Variants in CHD1 observed in about 807,000 individuals in gnomAD.
CHD1 encodes ATP-dependent chromatin remodeler CHD1.
Under a neutral mutation model 224.2 loss-of-function variants are expected in CHD1, and 36 were observed. That is an observed-to-expected ratio of 0.16 (90% confidence interval 0.12 to 0.21). The LOEUF is 0.21. Among genes scored for constraint, CHD1 ranks in the 10% least tolerant of loss-of-function variants. The pLI, the probability that CHD1 is intolerant of heterozygous loss-of-function variation, is 1.00. For missense variants in CHD1, 1,378 were observed against 1,994.8 expected (o/e 0.69, Z 5.89); for synonymous variants, 668 against 658.3 (o/e 1.01, Z -0.23).
intron 2 of CHD1, among the ~76,000 whole-genome samples, chr5:98,921,854 A>G (rs944740997): frequency 1.3e-5 from 2 of 152,204 alleles, no homozygotes; most frequent in African/African-American, 4.8e-5. Flanking sequence ...TAACTTATTT[A>G]AAACTAAAAA....
rs370710571 is a variant in CHD1 at position 98,903,803 on chromosome 5, C to T, written c.361G>A (p.Gly121Arg). 1.4e-5 allele frequency: 22 copies of T among 1,610,576 alleles called. No homozygotes were observed. Among genetic ancestry groups the T allele is most frequent in the African/African-American group, 1.1e-4 (8 of 74,942 alleles). Reference protein sequence around the residue: ...QQQHQASSNSGSEEDSSSSED... With the variant: ...QQQHQASSNSRSEEDSSSSED... ...TGATGAAAATGCACCTCTTCTGATC[C>T]GCTATTAGATGAGGCTTGATGTTGT... The change falls in exon 4 of 36, where the codon GGA (glycine) becomes AGA (arginine). Residue 121 changes from glycine to arginine, a missense_variant. This residue lies in a region of CHD1 where 306 missense variants were observed against 298.1 expected (regional missense o/e 1.03). Coordinates refer to ENST00000614616, the MANE Select transcript of CHD1 (RefSeq NM_001270.4).
intron 23 of CHD1, among the ~76,000 whole-genome samples, chr5:98,879,062 T>C (rs888526860): frequency 1.6e-4 from 25 of 152,040 alleles, no homozygotes; most frequent in Admixed American, 1.2e-3. Context: ...TAAAACTCCA[T>C]CTCTACAAAA....
intron 11 of CHD1, among the ~76,000 whole-genome samples, chr5:98,896,888 T>C (rs1416685045): frequency 6.6e-6 from 1 of 151,170 alleles, no homozygotes; most frequent in Non-Finnish European, 1.5e-5. Context: ...TAAATGGATA[T>C]TAAAATAACT....
rs1751401502 is a variant in CHD1 at position 98,897,225 on chromosome 5, A to G, written c.1461T>C (p.Asn487=). The G allele has an allele frequency of 1.2e-6, 2 of 1,612,246 alleles. No homozygotes were observed. The highest frequency in any genetic ancestry group is 2.7e-5 in the African/African-American group (2 of 74,876). The change falls in exon 11 of 36, where the codon AAT becomes AAC. Residue 487 remains asparagine, a synonymous_variant. Coordinates refer to ENST00000614616, the MANE Select transcript of CHD1 (RefSeq NM_001270.4). ...EGLELRDYQL[N]GLNWLAHSWC... ...AAGAATGAGCAAGCCAATTTAAACCATTCAGTTGATAATCTCTTAATTCTA... is the reference window on the plus strand; with the variant it reads ...AAGAATGAGCAAGCCAATTTAAACCGTTCAGTTGATAATCTCTTAATTCTA...
rs188502396 is a variant in CHD1 at position 98,874,625 on chromosome 5, T to A, written c.3440+447A>T. On this transcript the variant is annotated intron_variant, in intron 25 of 35. Coordinates refer to ENST00000614616, the MANE Select transcript of CHD1 (RefSeq NM_001270.4). ...TGCTCGAGAGGCTGAAGCAGGAGGATCACATGAACCCATGAGGTGGAGGTT... is the reference window on the plus strand; with the variant it reads ...TGCTCGAGAGGCTGAAGCAGGAGGAACACATGAACCCATGAGGTGGAGGTT... Among the ~76,000 whole-genome samples, 138 of 146,588 alleles carry A rather than the reference T, an allele frequency of 9.4e-4. 2 individuals are homozygous for A. The highest frequency in any genetic ancestry group is 1.9e-3 in the Admixed American group (28 of 14,552).
At chr5:98,907,421 T>G (rs1457728060) in intron 2 of CHD1, among the ~76,000 whole-genome samples, 1 of 151,886 alleles carries the variant, frequency 6.6e-6, no homozygotes, top group Non-Finnish European at 1.5e-5. Flanking sequence ...AAACCTCGAC[T>G]CTACTGAAAA....
At chr5:98,891,909 CATAATAAAAATAATT>C (rs1751045902) in intron 15 of CHD1, among the ~76,000 whole-genome samples, 1 of 152,132 alleles carries the variant, frequency 6.6e-6, no homozygotes, top group Admixed American at 6.5e-5. Flanking sequence ...TGACATCTTC[CATAATAAAAATAATT>C]ATGCAATTAA....
At chr5:98,875,176 C>A in intron 24 of CHD1, 63 bp from the exon 25 acceptor site, 3 of 898,504 alleles carry the variant, frequency 3.3e-6, no homozygotes, top group Non-Finnish European at 5.3e-6. Flanking sequence ...ATACGTATTT[C>A]TGATATTTAC....
At chr5:98,928,142 C>A (rs1753607667) in intron 1 of CHD1, among the ~76,000 whole-genome samples, 2 of 152,110 alleles carry the variant, frequency 1.3e-5, no homozygotes, top group Non-Finnish European at 2.9e-5. Flanking sequence ...CCCGCAGACC[C>A]GCCCCGCGCC....
Position 98,858,351 on chromosome 5 carries a change from C to T in CHD1, c.4616G>A (p.Ser1539Asn). ...ATCAGAGGAATAACTGTCCCTGCTG[C>T]TATCATCGTGATTTGTATTCTCTTT... ...RLKENTNHDD[S>N]SRDSYSSDRH... The change falls in exon 35 of 36, where the codon AGC (serine) becomes AAC (asparagine). Residue 1539 changes from serine to asparagine, a missense_variant. Ser to Asn is a conservative substitution (Grantham distance 46). This residue lies in a region of CHD1 where 278 missense variants were observed against 298.5 expected (regional missense o/e 0.93). Transcript: ENST00000614616. 6.2e-7 allele frequency: 1 copy of T among 1,613,000 alleles called. No individual in the cohort carries two copies. The highest frequency in any genetic ancestry group is 8.5e-7 in the Non-Finnish European group (1 of 1,179,150).
At chr5:98,866,262 G>A (rs896038787) in intron 31 of CHD1, among the ~76,000 whole-genome samples, 4 of 152,218 alleles carry the variant, frequency 2.6e-5, no homozygotes, top group Non-Finnish European at 4.4e-5. Context: ...GATAGGAGCT[G>A]CAGCAGCTTT....
intron 15 of CHD1, 27 bp downstream of exon 15, chr5:98,892,498 C>G (rs1751087770): frequency 6.4e-7 from 1 of 1,554,084 alleles, no homozygotes; most frequent in Non-Finnish European, 8.8e-7. Context: ...ATTAGAAGTT[C>G]AGAACTGTGT....
intron 25 of CHD1, 85 bp downstream of exon 25, chr5:98,874,987 G>A: frequency 6.8e-6 from 5 of 731,012 alleles, no homozygotes; most frequent in Non-Finnish European, 1.2e-5. Flanking sequence ...TAACAAAGTA[G>A]CTAAACTGAA....
At chr5:98,882,199 G>A in intron 19 of CHD1, 76 bp from the exon 20 acceptor site, 1 of 1,224,436 alleles carries the variant, frequency 8.2e-7, no homozygotes, top group Non-Finnish European at 1.1e-6. Flanking sequence ...CTAAACACTG[G>A]CACACAAATT....
Position 98,869,622 on chromosome 5 carries a change from G to GCGCA in CHD1, c.4107+131_4107+132insTGCG, listed in dbSNP as rs1554074391. The GCGCA allele has an allele frequency of 2.5e-3, 1,770 of 717,902 alleles. 6 individuals are homozygous for GCGCA. The highest frequency in any genetic ancestry group is 0.011 in the African/African-American group (573 of 51,256). 44.5% of individuals were successfully genotyped at this position (717,902 alleles called of 1,614,324 possible). A position where few individuals can be genotyped will look rare whatever the true frequency, so the allele number is the denominator to read the frequency against. On this transcript the variant is annotated intron_variant, in intron 30 of 35. Coordinates refer to ENST00000614616, the MANE Select transcript of CHD1 (RefSeq NM_001270.4). ...TATAAGTGCGTGCGCACGTGCGCGC[G>GCGCA]CACACACACACACACACACACACAC...
At chr5:98,860,177 C>T in intron 32 of CHD1, 109 bp from the exon 33 acceptor site, 2 of 695,414 alleles carry the variant, frequency 2.9e-6, no homozygotes, top group Non-Finnish European at 5.4e-6. Flanking sequence ...CATACACAGC[C>T]CTCTATGGAA....
intron 11 of CHD1, 107 bp from the exon 12 acceptor site, chr5:98,896,549 G>T: frequency 2.9e-6 from 2 of 700,374 alleles, no homozygotes; most frequent in Non-Finnish European, 4.8e-6. Flanking sequence ...AAATTGATAG[G>T]TATTATATAG....
chr5:98,868,706 C>A, intron 30 of CHD1, 71 bp from the exon 31 acceptor site: 1 of 1,339,424 alleles, frequency 7.5e-7, no homozygotes, highest in Non-Finnish European at 1.0e-6. Context: ...CTAACACTTC[C>A]AGAAAATAAT....
Position 98,894,456 on chromosome 5 carries a change from C to T in CHD1, c.1800+141G>A. On this transcript the variant is annotated intron_variant, in intron 13 of 35. Coordinates refer to ENST00000614616, the MANE Select transcript of CHD1 (RefSeq NM_001270.4). ...AAAAAGGTAAAAACCATTCTTAGTT[C>T]AAGCACCATTAAAAAAATAAGACCA... 5.6e-6 allele frequency: 2 copies of T among 357,110 alleles called. 1 individual carries two copies. The highest frequency in any genetic ancestry group is 1.5e-4 in the South Asian group (2 of 13,260). 22.1% of individuals were successfully genotyped at this position (357,110 alleles called of 1,614,324 possible).
Sources: allele counts gnomAD v4.1 joint callset (sites outside exome capture counted in the v4.1 genomes callset), GRCh38; gene constraint gnomAD v4.1.1; regional missense constraint gnomAD v4.1.1; transcripts MANE v1.5; gene names NCBI Gene and HGNC (gene_info 2026-07-23, HGNC 2026-07-21).